Variants in RAB39A observed in about 807,000 individuals in gnomAD.
The protein encoded by RAB39A is RAB39A, member RAS oncogene family.
Under a neutral mutation model 20.9 loss-of-function variants are expected in RAB39A, and 17 were observed. The observed-to-expected ratio is 0.81, with a 90% confidence interval of 0.56 to 1.22. The LOEUF (loss-of-function observed/expected upper bound fraction) is 1.22, where lower values mean the gene tolerates loss of function less well. Ranked by LOEUF, RAB39A falls within the 50% of genes most tolerant of loss-of-function variation. The pLI, the probability that RAB39A is intolerant of heterozygous loss-of-function variation, is 0.00. For synonymous variants in RAB39A, 99 were observed against 103.4 expected, an observed-to-expected ratio of 0.96 and a Z score of 0.26; for missense variants, 234 against 270.5, an observed-to-expected ratio of 0.87 and a Z score of 0.95.
Position 107,928,671 on chromosome 11 carries a change from G to C in RAB39A, c.103G>C (p.Gly35Arg). The change falls in exon 1 of 2, where the codon GGG becomes CGG. Residue 35 changes from glycine to arginine, a missense_variant. Gly to Arg is a moderately radical substitution (Grantham distance 125). Coordinates refer to ENST00000320578, the MANE Select transcript of RAB39A (RefSeq NM_017516.3). This position sits in a 1 kb window ranked among gnomAD's most constrained non-coding sequence, Gnocchi z 4.9. ...CCGCTTCACCCAGGGCCGCTTCCCC[G>C]GGCTGCGCTCCCCCGCCTGCGACCC... The part of the protein sequence containing the change: ...LHRFTQGRFP[G>R]LRSPACDPTV... The C allele has an allele frequency of 6.2e-7, 1 of 1,612,404 alleles. No homozygotes were observed. The highest frequency in any genetic ancestry group is 1.1e-5 in the South Asian group (1 of 90,840).
At chr11:107,944,407 C>T (rs370381513) in intron 1 of RAB39A, among the ~76,000 whole-genome samples, 3 of 152,168 alleles carry the variant, frequency 2.0e-5, no homozygotes, top group Non-Finnish European at 4.4e-5. Context: ...TTAATAGATA[C>T]TGGAGGCTAG....
intron 1 of RAB39A, among the ~76,000 whole-genome samples, chr11:107,947,454 A>G (rs1861330627): frequency 6.6e-6 from 1 of 152,192 alleles, no homozygotes; most frequent in Admixed American, 6.6e-5. Flanking sequence ...CAACAAGTTC[A>G]ATATGCAAAT....
chr11:107,929,517 G>GT (rs1217220740), intron 1 of RAB39A, among the ~76,000 whole-genome samples: 1 of 152,072 alleles, frequency 6.6e-6, no homozygotes, highest in Non-Finnish European at 1.5e-5. Flanking sequence ...TATGTGAAGG[G>GT]TTGAGTTGTC....
chr11:107,953,243 A>G (rs956378559), intron 1 of RAB39A, among the ~76,000 whole-genome samples: 2 of 152,190 alleles, frequency 1.3e-5, no homozygotes, highest in African/African-American at 4.8e-5. Context: ...GAAAGATATA[A>G]GAGATTTGTG....
At chr11:107,954,013 G>C (rs1361046782) in intron 1 of RAB39A, among the ~76,000 whole-genome samples, 2 of 152,282 alleles carry the variant, frequency 1.3e-5, no homozygotes, top group East Asian at 3.9e-4. Context: ...GCAATGTGTA[G>C]GATACCATGA....
At chr11:107,932,450 A>G (rs1404168037) in intron 1 of RAB39A, among the ~76,000 whole-genome samples, 1 of 152,180 alleles carries the variant, frequency 6.6e-6, no homozygotes, top group Admixed American at 6.5e-5. Flanking sequence ...GGATGTTACC[A>G]TCATCTACAT....
intron 1 of RAB39A, among the ~76,000 whole-genome samples, chr11:107,944,674 C>T (rs925113806): frequency 3.9e-5 from 6 of 151,928 alleles, no homozygotes; most frequent in Non-Finnish European, 5.9e-5. Context: ...CGTGAGCCAC[C>T]GCGCCAGGCC....
intron 1 of RAB39A, among the ~76,000 whole-genome samples, chr11:107,960,557 G>A (rs1861485699): frequency 6.6e-6 from 1 of 152,196 alleles, no homozygotes; most frequent in Admixed American, 6.5e-5. Context: ...TCATGATTCA[G>A]CCAGGAAACA....
chr11:107,928,675 T>G lies in RAB39A; in HGVS notation c.107T>G (p.Leu36Arg), dbSNP rs774443155. 2 of 1,612,314 alleles carry G rather than the reference T, an allele frequency of 1.2e-6. No individual in the cohort carries two copies. The highest frequency in any genetic ancestry group is 1.7e-5 in the Admixed American group (1 of 59,864). ...HRFTQGRFPG[L>R]RSPACDPTVG... ...TTCACCCAGGGCCGCTTCCCCGGGCTGCGCTCCCCCGCCTGCGACCCCACC... is the reference window on the plus strand; with the variant it reads ...TTCACCCAGGGCCGCTTCCCCGGGCGGCGCTCCCCCGCCTGCGACCCCACC... Residue 36 changes from leucine to arginine, a missense_variant, in exon 1 of 2, where the codon CTG becomes CGG. Coordinates refer to ENST00000320578, the MANE Select transcript of RAB39A (RefSeq NM_017516.3). This position sits in a 1 kb window ranked among gnomAD's most constrained non-coding sequence, Gnocchi z 4.9.
intron 1 of RAB39A, among the ~76,000 whole-genome samples, chr11:107,931,925 T>C (rs1479810396): frequency 6.9e-6 from 1 of 144,532 alleles, no homozygotes; most frequent in African/African-American, 2.5e-5. Flanking sequence ...AGTGGCACAA[T>C]GTTGGCTCAC....
At chr11:107,933,535 G>A in intron 1 of RAB39A, among the ~76,000 whole-genome samples, 1 of 151,006 alleles carries the variant, frequency 6.6e-6, no homozygotes, top group East Asian at 1.9e-4. Context: ...ATGCGCCACA[G>A]CACCTGGCCA....
At chr11:107,950,323 TTTA>T (rs1861364826) in intron 1 of RAB39A, among the ~76,000 whole-genome samples, 1 of 152,226 alleles carries the variant, frequency 6.6e-6, no homozygotes, top group African/African-American at 2.4e-5. Context: ...ATATTTCTCT[TTTA>T]TTCTCCCATT....
At chr11:107,946,271 G>C (rs1216830503) in intron 1 of RAB39A, among the ~76,000 whole-genome samples, 2 of 144,122 alleles carry the variant, frequency 1.4e-5, no homozygotes, top group African/African-American at 2.6e-5. Flanking sequence ...TTCTCTGAGA[G>C]ATAAGGAAAA....
At chr11:107,946,134 T>G (rs1241124457) in intron 1 of RAB39A, among the ~76,000 whole-genome samples, 1 of 151,248 alleles carries the variant, frequency 6.6e-6, no homozygotes, top group East Asian at 1.9e-4. Flanking sequence ...ATTAGGAAAT[T>G]TGTCATGTGA....
At chr11:107,950,546 C>G (rs1861367169) in intron 1 of RAB39A, among the ~76,000 whole-genome samples, 1 of 152,066 alleles carries the variant, frequency 6.6e-6, no homozygotes, top group Non-Finnish European at 1.5e-5. Context: ...GTGGGCAGAT[C>G]ACTTGAGCTC....
At chr11:107,956,558 G>A (rs1348226142) in intron 1 of RAB39A, among the ~76,000 whole-genome samples, 3 of 152,174 alleles carry the variant, frequency 2.0e-5, no homozygotes, top group African/African-American at 7.2e-5. Flanking sequence ...GTTAAAATGT[G>A]CCTCCAGTTC....
chr11:107,935,247 A>G (rs1271498927), intron 1 of RAB39A, among the ~76,000 whole-genome samples: 1 of 152,182 alleles, frequency 6.6e-6, no homozygotes, highest in African/African-American at 2.4e-5. Flanking sequence ...GCTACTACAC[A>G]GACAGAGTAG....
chr11:107,946,406 G>C (rs1220687233), intron 1 of RAB39A, among the ~76,000 whole-genome samples: 2 of 11,650 alleles, frequency 1.7e-4, no homozygotes, highest in African/African-American at 5.6e-4. Flanking sequence ...ATGTGTGTGT[G>C]TGTGTGTGTG....
chr11:107,954,566 A>C (rs530138642), intron 1 of RAB39A, among the ~76,000 whole-genome samples: 1 of 152,330 alleles, frequency 6.6e-6, no homozygotes, highest in African/African-American at 2.4e-5. Context: ...AGCACTAGAG[A>C]TTCCACAAAT....
Sources: allele counts gnomAD v4.1 joint callset (sites outside exome capture counted in the v4.1 genomes callset), GRCh38; gene constraint gnomAD v4.1.1; non-coding constraint Gnocchi (gnomAD v3.1); transcripts MANE v1.5; gene names NCBI Gene and HGNC (gene_info 2026-07-23, HGNC 2026-07-21).